The following TTC12 variants were observed in gnomAD, a reference collection of about 807,000 sequenced individuals.
The protein encoded by TTC12 is tetratricopeptide repeat domain 12.
In TTC12, 70 loss-of-function variants were observed where a neutral mutation model predicts 90.1. The observed-to-expected ratio is 0.78, with a 90% CI of 0.64 to 0.95. TTC12 has a LOEUF of 0.95. TTC12 is among the 40% of genes least tolerant of loss of function. The pLI is 0.00. For synonymous variants in TTC12, 296 were observed against 311.5 expected, an observed-to-expected ratio of 0.95 and a Z score of 0.53; for missense variants, 819 against 846.1, an observed-to-expected ratio of 0.97 and a Z score of 0.40.
At chr11:113,338,708 C>A in intron 8 of TTC12, 66 bp from the exon 9 acceptor site, 1 of 1,292,842 alleles carries the variant, frequency 7.7e-7, no homozygotes, top group Non-Finnish European at 1.1e-6. Context: ...CCCAATGACA[C>A]CCAGTGTCTT....
intron 16 of TTC12, among the ~76,000 whole-genome samples, chr11:113,353,093 T>C (rs918796657): frequency 1.3e-5 from 2 of 152,238 alleles, no homozygotes; most frequent in African/African-American, 4.8e-5. Context: ...ACCAACAGTG[T>C]ATAAGTGTAC....
chr11:113,318,783 G>A (rs1272980563), intron 2 of TTC12, among the ~76,000 whole-genome samples: 3 of 151,980 alleles, frequency 2.0e-5, no homozygotes, highest in African/African-American at 4.8e-5. Flanking sequence ...AGAGTGTGGT[G>A]CTTTTGAGGA....
chr11:113,351,121 C>A, intron 14 of TTC12, 118 bp from the exon 15 acceptor site: 1 of 873,572 alleles, frequency 1.1e-6, no homozygotes, highest in Non-Finnish European at 1.8e-6. Context: ...CTGAATTGTC[C>A]ATGCACACTC....
chr11:113,325,555 T>G lies in TTC12; in HGVS notation c.354T>G (p.Ala118=). ...AAGAAAAAGGGAATGAAGCATTTGC[T>G]GAAGGCAATTATGAAACAGCTATCC... The part of the protein sequence containing the change: ...ALKEKGNEAF[A]EGNYETAILR... The change falls in exon 6 of 22, where the codon GCT becomes GCG. Residue 118 remains alanine (A), a synonymous_variant. Transcript: ENST00000529221. 6.2e-7 allele frequency: 1 copy of G among 1,613,960 alleles called. No individual in the cohort carries two copies. The highest frequency in any genetic ancestry group is 8.5e-7 in the Non-Finnish European group (1 of 1,179,844).
intron 19 of TTC12, among the ~76,000 whole-genome samples, chr11:113,362,968 AGT>A (rs1950015428): frequency 6.6e-6 from 1 of 152,216 alleles, no homozygotes; most frequent in African/African-American, 2.4e-5. Flanking sequence ...CTGTGAGATG[AGT>A]GTGGTGAATC....
chr11:113,340,161 T>C (rs1355372552), intron 10 of TTC12, among the ~76,000 whole-genome samples: 3 of 152,230 alleles, frequency 2.0e-5, no homozygotes, highest in Non-Finnish European at 4.4e-5. Context: ...TTAAATAATC[T>C]CTATACTCAG....
chr11:113,368,143 A>C (rs1199742349), downstream of TTC12: 4 of 1,325,290 alleles, frequency 3.0e-6, no homozygotes, highest in African/African-American at 5.9e-5. Flanking sequence ...TCTTCCCCAA[A>C]GAGTGGGGAA....
intron 13 of TTC12, among the ~76,000 whole-genome samples, chr11:113,346,011 A>G (rs961450525): frequency 6.6e-6 from 1 of 152,140 alleles, no homozygotes; most frequent in African/African-American, 2.4e-5. Context: ...GTTGAACCAG[A>G]CAGAATGGGT....
At chr11:113,334,676 T>G (rs1293502346) in intron 7 of TTC12, among the ~76,000 whole-genome samples, 1 of 151,178 alleles carries the variant, frequency 6.6e-6, no homozygotes, top group Non-Finnish European at 1.5e-5. Flanking sequence ...GTTCTGCCAG[T>G]GTTAAGAGCT....
At chr11:113,331,621 TCTC>T (rs1948070420) in intron 7 of TTC12, among the ~76,000 whole-genome samples, 2 of 152,142 alleles carry the variant, frequency 1.3e-5, no homozygotes, top group South Asian at 4.1e-4. Context: ...AGAAACACGA[TCTC>T]CTCACAGGTT....
chr11:113,323,544 G>A (rs1555139626), intron 3 of TTC12, 93 bp downstream of exon 3: 2 of 802,440 alleles, frequency 2.5e-6, no homozygotes, highest in Non-Finnish European at 3.6e-6. Flanking sequence ...CAGCAAGGCT[G>A]AAATGGTCTT....
chr11:113,340,750 A>G lies in TTC12; in HGVS notation c.896+17A>G, dbSNP rs782659041. ...CATAAGAAGGTAGGGATGTTCATAG[A>G]GACAGCCCAGCAGCAAAGCAAGGGA... On this transcript the variant is annotated intron_variant, in intron 11 of 21. Coordinates refer to ENST00000529221, the MANE Select transcript of TTC12 (RefSeq NM_017868.4). 14 of 1,598,974 alleles carry G rather than the reference A, an allele frequency of 8.8e-6. No individual in the cohort carries two copies. The highest frequency in any genetic ancestry group is 1.3e-5 in the African/African-American group (1 of 74,618).
chr11:113,329,721 C>A, intron 6 of TTC12, 199 bp from the exon 7 acceptor site: 4 of 644,078 alleles, frequency 6.2e-6, no homozygotes, highest in South Asian at 6.0e-5. Flanking sequence ...CCTGCCTTCA[C>A]CGTGGAAGAG....
chr11:113,351,520 G>A (rs782365699), intron 15 of TTC12, among the ~76,000 whole-genome samples: 1 of 152,196 alleles, frequency 6.6e-6, no homozygotes, highest in Non-Finnish European at 1.5e-5. Flanking sequence ...AGGAAAAGCT[G>A]GATATGGGTG....
At chr11:113,358,199 C>A (rs1949724365) in intron 16 of TTC12, among the ~76,000 whole-genome samples, 1 of 152,186 alleles carries the variant, frequency 6.6e-6, no homozygotes, top group African/African-American at 2.4e-5. Flanking sequence ...AAGACTCCAT[C>A]TGCAATGGTG....
chr11:113,330,738 A>G (rs536258879), intron 7 of TTC12, among the ~76,000 whole-genome samples: 3 of 152,246 alleles, frequency 2.0e-5, no homozygotes, highest in Non-Finnish European at 4.4e-5. Context: ...GAGCCCCTCG[A>G]GAGGGACTAG....
chr11:113,327,537 G>T (rs1947767633), intron 6 of TTC12, among the ~76,000 whole-genome samples: 1 of 152,128 alleles, frequency 6.6e-6, no homozygotes, highest in South Asian at 2.1e-4. Context: ...GATAAATCTG[G>T]AGTTTAATTG....
chr11:113,357,074 T>C (rs1293472496), intron 16 of TTC12, among the ~76,000 whole-genome samples: 2 of 152,228 alleles, frequency 1.3e-5, no homozygotes, highest in African/African-American at 4.8e-5. Flanking sequence ...TAGATGTAGA[T>C]TGGGGCTCTT....
At chr11:113,331,207 A>G (rs868985350) in intron 7 of TTC12, among the ~76,000 whole-genome samples, 25 of 152,288 alleles carry the variant, frequency 1.6e-4, no homozygotes, top group Middle Eastern at 6.8e-3. Flanking sequence ...TTTAAGTTAT[A>G]AGAGTTGCCC....
Sources: allele counts gnomAD v4.1 joint callset (sites outside exome capture counted in the v4.1 genomes callset), GRCh38; gene constraint gnomAD v4.1.1; transcripts MANE v1.5; gene names NCBI Gene and HGNC (gene_info 2026-07-23, HGNC 2026-07-21).